SIGLEC10: variants seen among roughly 807,000 people sequenced by gnomAD.
SIGLEC10 encodes sialic acid-binding Ig-like lectin 10.
SIGLEC10 carries 45 observed loss-of-function variants against 68.3 expected under a neutral mutation model. The observed-to-expected ratio is 0.66, with a 90% CI of 0.52 to 0.84. The LOEUF (loss-of-function observed/expected upper bound fraction) is 0.84, where lower values mean the gene tolerates loss of function less well. Ranked by LOEUF, SIGLEC10 falls within the 40% of genes least tolerant of loss-of-function variation. The pLI is 0.00. For synonymous variants in SIGLEC10, 379 were observed against 370.8 expected (o/e 1.02, Z -0.26); for missense variants, 789 against 883.1 (o/e 0.89, Z 1.35).
In SIGLEC10 at chr19:51,416,959, G is replaced by A. The variant is rs1469629985; in HGVS notation, c.422-9C>T. The A allele has an allele frequency of 6.2e-7, 1 of 1,606,376 alleles. No individual in the cohort carries two copies. The highest frequency in any genetic ancestry group is 2.2e-5 in the East Asian group (1 of 44,836). ...AGGCTTCTGAGTCAGGGCTGGGACA[G>A]AGACCGTGGTGGGAGATTCTTGTGC... On this transcript the variant is annotated splice_polypyrimidine_tract_variant and intron_variant, in intron 2 of 10. Transcript: ENST00000339313.
Position 51,415,398 on chromosome 19 carries a change from C to T in SIGLEC10, c.1113G>A (p.Leu371=). The change falls in exon 7 of 11, where the codon CTG becomes CTA. Residue 371 remains leucine (L), a synonymous_variant. Coordinates refer to ENST00000339313, the MANE Select transcript of SIGLEC10 (RefSeq NM_033130.5). ...AGACCAGGCACAGGCTTTGGCCCTC[C>T]AGTACTGGGAGAGACGTGCCGTTCC... ...NLGNGTSLPV[L]EGQSLCLVCV... The T allele has an allele frequency of 1.9e-6, 3 of 1,609,118 alleles. No individual in the cohort carries two copies. The highest frequency in any genetic ancestry group is 2.5e-6 in the Non-Finnish European group (3 of 1,177,282).
chr19:51,411,009 A>C lies in SIGLEC10; in HGVS notation c.*90T>G. On this transcript the variant is annotated 3_prime_UTR_variant, in exon 11 of 11. Coordinates refer to ENST00000339313, the MANE Select transcript of SIGLEC10 (RefSeq NM_033130.5). ...GAGAGAGAAAGAGAGAGAGAGAGGG[A>C]GAGAAGGAAACTTTGCACTCTGTTA... The C allele has an allele frequency of 1.4e-6, 2 of 1,393,204 alleles. No individual in the cohort carries two copies. The highest frequency in any genetic ancestry group is 2.0e-6 in the Non-Finnish European group (2 of 1,022,554). The allele number at this position is 1,393,204 out of a possible 1,614,324, so 86.3% of individuals were successfully genotyped here.
intron 10 of SIGLEC10, among the ~76,000 whole-genome samples, chr19:51,411,696 A>G (rs961138080): frequency 6.6e-6 from 1 of 152,172 alleles, no homozygotes; most frequent in African/African-American, 2.4e-5. Context: ...AAATACAAAA[A>G]TTAGCCGGGC....
rs1280197050 is a variant in SIGLEC10 at position 51,414,375 on chromosome 19, T to C, written c.1709+47A>G. 1.3e-6 allele frequency: 2 copies of C among 1,534,812 alleles called. No homozygotes were observed. The highest frequency in any genetic ancestry group is 1.8e-6 in the Non-Finnish European group (2 of 1,115,878). On this transcript the variant is annotated intron_variant, in intron 9 of 10. Coordinates refer to ENST00000339313, the MANE Select transcript of SIGLEC10 (RefSeq NM_033130.5). This position sits in a 1 kb window ranked among gnomAD's most constrained non-coding sequence, Gnocchi z 4.1. ...CTTTCGGCCTGCAACACCTCCCCTCTTCCTGGGTCCAGGCCCCAGACCCCG... is the reference window on the plus strand; with the variant it reads ...CTTTCGGCCTGCAACACCTCCCCTCCTCCTGGGTCCAGGCCCCAGACCCCG...
In SIGLEC10 at chr19:51,410,955, T is replaced by C. The variant is rs1884667969; in HGVS notation, c.*144A>G. On this transcript the variant is annotated 3_prime_UTR_variant, in exon 11 of 11. Transcript: ENST00000339313. ...TGAGCCACTGTGCCCTGGCCAGATGTTTTTTTAAAAGAGAGAGAAAGAGAG... is the reference window on the plus strand; with the variant it reads ...TGAGCCACTGTGCCCTGGCCAGATGCTTTTTTAAAAGAGAGAGAAAGAGAG... 1 of 1,039,134 alleles carries C rather than the reference T, an allele frequency of 9.6e-7. No individual in the cohort carries two copies. The highest frequency in any genetic ancestry group is 1.6e-5 in the African/African-American group (1 of 62,230). 64.4% of individuals were successfully genotyped at this position (1,039,134 alleles called of 1,614,324 possible).
rs568934790 is a variant in SIGLEC10, at chr19:51,414,742, T to C, written c.1615+82A>G. Reference sequence around the variant, plus strand: ...ACGGGTCTGCTGTGTCCCTCCAAGCTCCTGCTCCAACCACAGGACCCTACT... The same window carrying C: ...ACGGGTCTGCTGTGTCCCTCCAAGCCCCTGCTCCAACCACAGGACCCTACT... On this transcript the variant is annotated intron_variant, in intron 8 of 10. Coordinates refer to ENST00000339313, the MANE Select transcript of SIGLEC10 (RefSeq NM_033130.5). The surrounding 1 kb of genome is among the most constrained non-coding windows in gnomAD (Gnocchi z 4.1). The C allele has an allele frequency of 9.9e-5, 158 of 1,590,638 alleles. No homozygotes were observed. The highest frequency in any genetic ancestry group is 6.1e-4 in the Admixed American group (33 of 54,114).
chr19:51,411,950 C>T (rs1332237683), intron 10 of SIGLEC10, among the ~76,000 whole-genome samples: 2 of 151,946 alleles, frequency 1.3e-5, no homozygotes, highest in Non-Finnish European at 2.9e-5. Context: ...TGAGACCAGC[C>T]TGATCAACAT....
rs1338912180 is a variant in SIGLEC10 at position 51,416,346 on chromosome 19, C to T, written c.718G>A (p.Asp240Asn). Residue 240 changes from aspartate (D) to asparagine (N), a missense_variant, in exon 4 of 11, where the codon GAC (aspartate) becomes AAC (asparagine). Physicochemically the swap from Asp to Asn is conservative, Grantham distance 23 (BLOSUM62 1). Coordinates refer to ENST00000339313, the MANE Select transcript of SIGLEC10 (RefSeq NM_033130.5). Reference sequence around the variant, plus strand: ...TCACGTGAAATGCTGATAACAAGGTCTCTGGGGGCATCTGCAACAAGATTG... The same window carrying T: ...TCACGTGAAATGCTGATAACAAGGTTTCTGGGGGCATCTGCAACAAGATTG... ...VRLRVAYAPR[D>N]LVISISRDNT... 4.3e-6 allele frequency: 7 copies of T among 1,614,044 alleles called. No homozygotes were observed. Among genetic ancestry groups the T allele is most frequent in the Non-Finnish European group, 5.9e-6 (7 of 1,180,024 alleles).
In SIGLEC10 at chr19:51,417,550, A is replaced by C; in HGVS notation, c.32T>G (p.Leu11Arg). Reference protein sequence around the residue: MLLPLLLSSLLGGSQAMDGRF... With the variant: MLLPLLLSSLRGGSQAMDGRF... ...CCGGCCCTTGGCCCACTCACCGCCC[A>C]GCAGCGAGGACAGCAGCAGTGGCAG... Residue 11 changes from leucine (L) to arginine (R), a missense_variant, in exon 1 of 11, where the codon CTG becomes CGG. By Grantham distance (102) the Leu-to-Arg change is moderately radical. Transcript: ENST00000339313. 1 of 1,614,226 alleles carries C rather than the reference A, an allele frequency of 6.2e-7. No individual in the cohort carries two copies. Among genetic ancestry groups the C allele is most frequent in the East Asian group, 2.2e-5 (1 of 44,880 alleles).
At chr19:51,413,937 G>T in intron 9 of SIGLEC10, 114 bp from the exon 10 acceptor site, 1 of 748,734 alleles carries the variant, frequency 1.3e-6, no homozygotes, top group Non-Finnish European at 2.3e-6. Context: ...ACTTGAGACC[G>T]TCATTATGAG....
Position 51,415,056 on chromosome 19 carries a change from G to T in SIGLEC10, c.1383C>A (p.His461Gln). Residue 461 changes from histidine (H) to glutamine (Q), a missense_variant, in exon 8 of 11, where the codon CAC (histidine) becomes CAA (glutamine). By Grantham distance (24) the His-to-Gln change is conservative. Coordinates refer to ENST00000339313, the MANE Select transcript of SIGLEC10 (RefSeq NM_033130.5). ...PSCSWEAEGL[H>Q]CSCSSQASPA... ...GGCTGGCCTGGGAGGAGCAGCTGCAGTGCAGACCCTCAGCCTCCCAGGAGC... is the reference window on the plus strand; with the variant it reads ...GGCTGGCCTGGGAGGAGCAGCTGCATTGCAGACCCTCAGCCTCCCAGGAGC... 8 of 1,594,232 alleles carry T rather than the reference G, an allele frequency of 5.0e-6. No individual in the cohort carries two copies. Among genetic ancestry groups the T allele is most frequent in the Non-Finnish European group, 6.8e-6 (8 of 1,171,248 alleles).
At position 51,414,749 on chromosome 19, in the gene SIGLEC10, C is replaced by T. The variant is rs886650865; in HGVS notation, c.1615+75G>A. ...TGCTGTGTCCCTCCAAGCTCCTGCTCCAACCACAGGACCCTACTCTTTGCC... is the reference window on the plus strand; with the variant it reads ...TGCTGTGTCCCTCCAAGCTCCTGCTTCAACCACAGGACCCTACTCTTTGCC... On this transcript the variant is annotated intron_variant, in intron 8 of 10. Coordinates refer to ENST00000339313, the MANE Select transcript of SIGLEC10 (RefSeq NM_033130.5). The surrounding 1 kb of genome is among the most constrained non-coding windows in gnomAD (Gnocchi z 4.1). The T allele has an allele frequency of 6.3e-7, 1 of 1,594,830 alleles. No individual in the cohort carries two copies. The highest frequency in any genetic ancestry group is 8.5e-7 in the Non-Finnish European group (1 of 1,172,882).
At position 51,417,638 on chromosome 19, in the gene SIGLEC10, T is replaced by C; in HGVS notation, c.-57A>G. On this transcript the variant is annotated 5_prime_UTR_variant, in exon 1 of 11. Transcript: ENST00000339313. ...ACAGGCCTGTTCTCTGGTCGTGCTG[T>C]GAGTGGCTCAGGGCTCTTGGCAGAA... The C allele has an allele frequency of 6.2e-7, 1 of 1,609,000 alleles. No homozygotes were observed. Among genetic ancestry groups the C allele is most frequent in the Non-Finnish European group, 8.5e-7 (1 of 1,177,586 alleles).
rs1174559127 is a variant in SIGLEC10, at chr19:51,413,692, A to G, written c.1821+20T>C. 1.2e-6 allele frequency: 2 copies of G among 1,605,020 alleles called. No individual in the cohort carries two copies. Among genetic ancestry groups the G allele is most frequent in the Non-Finnish European group, 1.7e-6 (2 of 1,172,512 alleles). ...AGCTTTAGAGAAGAGAAAAAGTGGAAGCATGGCCCAGACACTCACCAGGGG... is the reference window on the plus strand; with the variant it reads ...AGCTTTAGAGAAGAGAAAAAGTGGAGGCATGGCCCAGACACTCACCAGGGG... On this transcript the variant is annotated intron_variant, in intron 10 of 10. Coordinates refer to ENST00000339313, the MANE Select transcript of SIGLEC10 (RefSeq NM_033130.5).
At chr19:51,413,956 A>C (rs563599280) in intron 9 of SIGLEC10, 133 bp from the exon 10 acceptor site, 10 of 671,352 alleles carry the variant, frequency 1.5e-5, no homozygotes, top group Non-Finnish European at 2.7e-5. Context: ...AGACTGAAAG[A>C]AGGAGGACAA....
In SIGLEC10 at chr19:51,416,025, A is replaced by G. The variant is rs200737875; in HGVS notation, c.897T>C (p.His299=). 2.2e-3 allele frequency: 3,234 copies of G among 1,494,854 alleles called. 6 individuals carry two copies. Among genetic ancestry groups the G allele is most frequent in the Middle Eastern group, 7.4e-3 (36 of 4,840 alleles). The allele number at this position is 1,494,854 out of a possible 1,614,324, so 92.6% of individuals were successfully genotyped here. ...VLQNRVLSSS[H]PWGPRPLGLE... is the part of the protein sequence containing the mutation. ...GCCCCAGGGGTCTAGGGCCCCAGGG[A>G]TGGGACGAGGAGAGGACTCTGTTCT... Residue 299 remains histidine (H), a synonymous_variant, in exon 5 of 11, where the codon CAT becomes CAC. Transcript: ENST00000339313.
intron 10 of SIGLEC10, among the ~76,000 whole-genome samples, chr19:51,411,637 G>C (rs1988019926): frequency 1.3e-5 from 2 of 152,098 alleles, no homozygotes; most frequent in Non-Finnish European, 2.9e-5. Flanking sequence ...GTCATCCAGG[G>C]AATTTCAAGA....
chr19:51,411,180 G>C lies in SIGLEC10; in HGVS notation c.2013C>G (p.Asn671Lys). The C allele has an allele frequency of 6.2e-7, 1 of 1,614,234 alleles. No homozygotes were observed. Among genetic ancestry groups the C allele is most frequent in the Non-Finnish European group, 8.5e-7 (1 of 1,180,052 alleles). ...SQEELHYATL[N>K]FPGVRPRPEA... The stretch of plus-strand genomic sequence containing the variant: ...CAGGCCTGGGTCTGACGCCTGGGAA[G>C]TTGAGCGTGGCATAATGGAGCTCCT... The change falls in exon 11 of 11, where the codon AAC becomes AAG. Residue 671 changes from asparagine (N) to lysine (K), a missense_variant. Physicochemically the swap from Asn to Lys is moderately conservative, Grantham distance 94 (BLOSUM62 0). Transcript: ENST00000339313.
At position 51,411,885 on chromosome 19, in the gene SIGLEC10, G is replaced by A. The variant is rs867396799; in HGVS notation, c.1822-514C>T. On this transcript the variant is annotated intron_variant, in intron 10 of 10. Transcript: ENST00000339313. ...TAGCCGGGTACGGTGGTTCACACCT[G>A]TAATCCCAGCACTTTGGGAGGCTGA... 8.6e-5 allele frequency among the ~76,000 whole-genome samples: 13 copies of A among 151,990 alleles called. No individual in the cohort carries two copies. In the South Asian group the frequency reaches 2.7e-3, roughly 32 times the overall value.
Sources: allele counts gnomAD v4.1 joint callset (sites outside exome capture counted in the v4.1 genomes callset), GRCh38; gene constraint gnomAD v4.1.1; non-coding constraint Gnocchi (gnomAD v3.1); transcripts MANE v1.5; gene names NCBI Gene and HGNC (gene_info 2026-07-23, HGNC 2026-07-21).